The following SPC24 variants were observed in gnomAD, a reference collection of about 807,000 sequenced individuals.
SPC24 encodes kinetochore protein Spc24.
A neutral mutation model predicts 27.6 loss-of-function variants in SPC24; 31 were observed. That is an observed-to-expected ratio of 1.12 (90% confidence interval 0.84 to 1.52). The LOEUF (loss-of-function observed/expected upper bound fraction) is 1.52. Among genes scored for constraint, SPC24 ranks in the 40% most tolerant of loss-of-function variants. The pLI is 0.00. For synonymous variants in SPC24, 105 were observed against 105.8 expected (o/e 0.99, Z 0.05); for missense variants, 284 against 252.5 (o/e 1.12, Z -0.84).
At position 11,147,200 on chromosome 19, in the gene SPC24, C is replaced by G; in HGVS notation, c.577G>C (p.Val193Leu). 1 of 1,553,690 alleles carries G rather than the reference C, an allele frequency of 6.4e-7. No homozygotes were observed. The highest frequency in any genetic ancestry group is 2.4e-5 in the East Asian group (1 of 41,278). Residue 193 changes from valine to leucine, a missense_variant, in exon 5 of 5, where the codon GTG (valine) becomes CTG (leucine). Physicochemically the swap from Val to Leu is conservative, Grantham distance 32. Transcript: ENST00000592540. The part of the protein sequence containing the change: ...KFISDYLWSL[V>L]DTEW ...GCTCCTGGCTACCACTCGGTGTCCA[C>G]CAGACTCCAGAGGTAGTCGCTGATG...
intron 1 of SPC24, among the ~76,000 whole-genome samples, chr19:11,153,286 A>G (rs1028602589): frequency 7.0e-6 from 1 of 143,296 alleles, no homozygotes; most frequent in Non-Finnish European, 1.5e-5. Context: ...TCTACCAAAA[A>G]AAATACAAAA....
chr19:11,151,184 A>AAG (rs2077868433), intron 1 of SPC24, among the ~76,000 whole-genome samples: 1 of 143,416 alleles, frequency 7.0e-6, no homozygotes, highest in Non-Finnish European at 1.5e-5. Flanking sequence ...AAAAAAAAAA[A>AAG]TGCTTCCCAA....
At chr19:11,154,917 G>A (rs983009060) in intron 1 of SPC24, among the ~76,000 whole-genome samples, 3 of 152,168 alleles carry the variant, frequency 2.0e-5, no homozygotes, top group Admixed American at 6.6e-5. Context: ...CGGACACAGT[G>A]GCTCACGTCT....
intron 1 of SPC24, among the ~76,000 whole-genome samples, chr19:11,154,140 C>T (rs1289378666): frequency 1.3e-5 from 2 of 152,114 alleles, no homozygotes; most frequent in Non-Finnish European, 2.9e-5. Flanking sequence ...CGTTATTCAA[C>T]ACAGCCAAAA....
rs58845884 is a variant in SPC24 at position 11,147,908 on chromosome 19, C to CAAAAAAAA, written c.411-22_411-15dup. ...TGAGCCACGTACCTGTACAGGAAGA[C>CAAAAAAAA]AAAAAAAAAAAAAAAAAAAAAAGAA... On this transcript the variant is annotated splice_polypyrimidine_tract_variant and intron_variant, in intron 3 of 4. Transcript: ENST00000592540. 296 of 1,115,476 alleles carry CAAAAAAAA rather than the reference C, an allele frequency of 2.7e-4. No individual in the cohort carries two copies. Among genetic ancestry groups the CAAAAAAAA allele is most frequent in the South Asian group, 1.2e-3 (72 of 61,494 alleles). The allele number at this position is 1,115,476 out of a possible 1,614,324, so 69.1% of individuals were successfully genotyped here. A position where few individuals can be genotyped will look rare whatever the true frequency, so the allele number is the denominator to read the frequency against.
chr19:11,147,439 C>T (rs985655364), intron 4 of SPC24, 150 bp from the exon 5 acceptor site: 1 of 596,088 alleles, frequency 1.7e-6, no homozygotes, highest in African/African-American at 1.9e-5. Context: ...CGGCTCATTG[C>T]AACCTCCACC....
chr19:11,147,730 G>T, intron 4 of SPC24, 88 bp downstream of exon 4: 1 of 1,217,506 alleles, frequency 8.2e-7, no homozygotes, highest in Non-Finnish European at 1.2e-6. Flanking sequence ...CACCACACCC[G>T]GCTAATTTTT....
chr19:11,148,795 T>C (rs1230462619), intron 2 of SPC24, among the ~76,000 whole-genome samples: 1 of 151,926 alleles, frequency 6.6e-6, no homozygotes, highest in African/African-American at 2.4e-5. Context: ...TTTTTGTATT[T>C]TTAGTAGAGA....
intron 1 of SPC24, among the ~76,000 whole-genome samples, chr19:11,151,032 G>A (rs1040438541): frequency 6.6e-6 from 1 of 151,784 alleles, no homozygotes; most frequent in East Asian, 1.9e-4. Flanking sequence ...GCGTGGCGGA[G>A]GGCGCCTGTA....
intron 1 of SPC24, among the ~76,000 whole-genome samples, chr19:11,150,346 C>T (rs908210174): frequency 5.3e-5 from 8 of 151,078 alleles, no homozygotes; most frequent in Non-Finnish European, 1.2e-4. Context: ...ATTAGCTGGG[C>T]GTGGTGGTGC....
chr19:11,147,838 TCA>T lies in SPC24; in HGVS notation c.465_466del (p.Cys155Ter). 1 of 1,606,654 alleles carries T rather than the reference TCA, an allele frequency of 6.2e-7. No individual in the cohort carries two copies. Among genetic ancestry groups the T allele is most frequent in the Non-Finnish European group, 8.5e-7 (1 of 1,178,872 alleles). On this transcript the variant is annotated stop_gained and frameshift_variant, in exon 4 of 5. Transcript: ENST00000592540. LOFTEE classifies it high-confidence loss of function. The stretch of plus-strand genomic sequence containing the variant: ...GATACTGCCTTTGACCATCCCTGGC[TCA>T]CACTCATAATCCCACTCAATTTTAC...
intron 1 of SPC24, among the ~76,000 whole-genome samples, chr19:11,155,309 G>A (rs1485710689): frequency 6.6e-6 from 1 of 152,168 alleles, no homozygotes; most frequent in Admixed American, 6.6e-5. Flanking sequence ...CAAACCCGGA[G>A]CTTTGACTCC....
chr19:11,155,065 A>T (rs547763578), intron 1 of SPC24, among the ~76,000 whole-genome samples: 15 of 152,246 alleles, frequency 9.9e-5, no homozygotes, highest in Non-Finnish European at 1.8e-4. Context: ...AAGCGCCTGT[A>T]ATCCCAGCTA....
rs191445293 is a variant in SPC24, at chr19:11,153,470, T to C, written c.160+2147A>G. On this transcript the variant is annotated intron_variant, in intron 1 of 4. Coordinates refer to ENST00000592540, the MANE Select transcript of SPC24 (RefSeq NM_182513.4). ...TATCAAAAAAATAAAAAAAAGAAAA[T>C]AGAGTCTTGGGCTGGGCGCAGTGGC... 4.4e-3 allele frequency among the ~76,000 whole-genome samples: 643 copies of C among 146,470 alleles called. 4 individuals carry two copies. The highest frequency in any genetic ancestry group is 0.01 in the South Asian group (48 of 4,640).
At chr19:11,152,000 A>C (rs1027629131) in intron 1 of SPC24, among the ~76,000 whole-genome samples, 10 of 151,214 alleles carry the variant, frequency 6.6e-5, no homozygotes, top group Middle Eastern at 3.5e-3. Context: ...AGCTCACTGC[A>C]ACCTCTGCTT....
intron 1 of SPC24, among the ~76,000 whole-genome samples, chr19:11,152,916 CTGACCTT>C (rs1048839980): frequency 4.8e-4 from 73 of 152,056 alleles, no homozygotes; most frequent in Middle Eastern, 3.4e-3. Context: ...TTCTCACCTC[CTGACCTT>C]TGCATTTGCA....
chr19:11,151,306 G>A (rs1001639750), intron 1 of SPC24, among the ~76,000 whole-genome samples: 6 of 151,904 alleles, frequency 3.9e-5, no homozygotes, highest in Non-Finnish European at 5.9e-5. Flanking sequence ...AAGCCTCTCC[G>A]TCCCTCTGAA....
chr19:11,147,337 A>G (rs2077834337), intron 4 of SPC24, 48 bp from the exon 5 acceptor site: 2 of 1,312,754 alleles, frequency 1.5e-6, no homozygotes, highest in African/African-American at 1.5e-5. Context: ...CCCCTCACAC[A>G]ACCCCACGGG....
At chr19:11,151,829 A>C (rs1449042109) in intron 1 of SPC24, among the ~76,000 whole-genome samples, 3 of 144,132 alleles carry the variant, frequency 2.1e-5, no homozygotes, top group African/African-American at 7.8e-5. Flanking sequence ...AGGCTGGTCT[A>C]GAATTCCTGA....
Sources: allele counts gnomAD v4.1 joint callset (sites outside exome capture counted in the v4.1 genomes callset), GRCh38; gene constraint gnomAD v4.1.1; transcripts MANE v1.5; gene names NCBI Gene and HGNC (gene_info 2026-07-23, HGNC 2026-07-21).